IGFL2: variants seen among roughly 807,000 people sequenced by gnomAD.
The protein encoded by IGFL2 is IGF like family member 2.
Under a neutral mutation model 13.9 loss-of-function variants are expected in IGFL2, and 7 were observed. The observed-to-expected ratio is 0.51, with a 90% CI of 0.29 to 0.95. IGFL2 has a LOEUF of 0.95. Ranked by LOEUF, IGFL2 falls within the 40% of genes least tolerant of loss-of-function variation. The pLI is 0.08. For synonymous variants in IGFL2, 55 were observed against 55.8 expected (o/e 0.99, Z 0.07); for missense variants, 138 against 147.8 (o/e 0.93, Z 0.34).
chr19:46,155,381 G>T (rs542290577), intron 1 of IGFL2, among the ~76,000 whole-genome samples: 23 of 152,300 alleles, frequency 1.5e-4, no homozygotes, highest in Middle Eastern at 6.8e-3. Flanking sequence ...ACACAGAGTT[G>T]GCTGGGGATG....
the IGFL2 span, among the ~76,000 whole-genome samples, chr19:46,129,698 A>T: frequency 6.6e-6 from 1 of 151,942 alleles, no homozygotes; most frequent in East Asian, 1.9e-4. Context: ...CTTGATTTCT[A>T]ATTTGATTGT....
the IGFL2 span, among the ~76,000 whole-genome samples, chr19:46,170,875 G>A: frequency 1.3e-5 from 2 of 152,156 alleles, no homozygotes; most frequent in Non-Finnish European, 2.9e-5. Context: ...ATGACAATGT[G>A]TGCACGGCGG....
At chr19:46,094,173 C>G in the IGFL2 span, among the ~76,000 whole-genome samples, 1 of 150,776 alleles carries the variant, frequency 6.6e-6, no homozygotes, top group Non-Finnish European at 1.5e-5. Context: ...GGACCTGATT[C>G]TGAGGCTTTT....
At chr19:46,182,530 A>T in the IGFL2 span, among the ~76,000 whole-genome samples, 3 of 152,182 alleles carry the variant, frequency 2.0e-5, no homozygotes, top group Non-Finnish European at 4.4e-5. Flanking sequence ...GAAAAAACTT[A>T]TAATGTCACA....
At chr19:46,208,258 T>G in the IGFL2 span, 2 of 152,248 alleles carry the variant, frequency 1.3e-5, no homozygotes, top group Admixed American at 1.3e-4. Context: ...AGAAGGACAT[T>G]CAAACTGGTC....
chr19:46,147,964 C>T (rs1973228994), upstream of IGFL2: 3 of 336,556 alleles, frequency 8.9e-6, no homozygotes, highest in Admixed American at 9.6e-5. Context: ...TTTCAAGTCT[C>T]TTTGCCGTGG....
the IGFL2 span, chr19:46,208,734 C>G: frequency 5.9e-5 from 9 of 152,180 alleles, no homozygotes; most frequent in African/African-American, 2.2e-4. Flanking sequence ...GGCTCGCTCT[C>G]TTTCTCTCCT....
intron 1 of IGFL2, among the ~76,000 whole-genome samples, chr19:46,150,535 A>G (rs1973423247): frequency 6.6e-6 from 1 of 151,586 alleles, no homozygotes; most frequent in African/African-American, 2.4e-5. Context: ...GGGGTAAAAT[A>G]TGATGATTTA....
chr19:46,194,852 ATTTTTTTTTTTTTTT>A, the IGFL2 span, among the ~76,000 whole-genome samples: 7 of 31,596 alleles, frequency 2.2e-4, no homozygotes, highest in East Asian at 6.5e-3. Flanking sequence ...ATATATATAT[ATTTTTTTTTTTTTTT>A]TTTTTTTTTT....
At chr19:46,162,739 A>G (rs528548620), downstream of IGFL2, among the ~76,000 whole-genome samples, 3 of 152,184 alleles carry the variant, frequency 2.0e-5, no homozygotes, top group African/African-American at 2.4e-5. Context: ...GGGTTTTGCC[A>G]TCCTCCTGAA....
At chr19:46,119,819 G>A in the IGFL2 span, among the ~76,000 whole-genome samples, 52 of 150,842 alleles carry the variant, frequency 3.4e-4, 1 homozygote, top group African/African-American at 9.1e-4. Flanking sequence ...GCAGCTTGCC[G>A]GCAAGGGGAT....
At chr19:46,199,804 T>C in the IGFL2 span, among the ~76,000 whole-genome samples, 5 of 152,236 alleles carry the variant, frequency 3.3e-5, no homozygotes, top group African/African-American at 7.2e-5. Flanking sequence ...GGGAGATGTG[T>C]TGGGACATCT....
At chr19:46,111,729 A>G in the IGFL2 span, 1 of 152,240 alleles carries the variant, frequency 6.6e-6, no homozygotes, top group South Asian at 2.1e-4. Flanking sequence ...TTATGGGCAT[A>G]GATACCAATC....
Position 46,160,439 on chromosome 19 carries a change from T to A in IGFL2, c.44T>A (p.Leu15His). 6.2e-7 allele frequency: 1 copy of A among 1,613,764 alleles called. No homozygotes were observed. The highest frequency in any genetic ancestry group is 8.5e-7 in the Non-Finnish European group (1 of 1,179,770). ...GCTCCTGCTTATGTGTCAGTCTGTCTCCTCCTCTTGTGTCCAAGGGAAGTC... is the reference window on the plus strand; with the variant it reads ...GCTCCTGCTTATGTGTCAGTCTGTCACCTCCTCTTGTGTCCAAGGGAAGTC... The part of the protein sequence containing the change: ...IFAPAYVSVC[L>H]LLLCPREVIA... The change falls in exon 2 of 4, where the codon CTC becomes CAC. Residue 15 changes from leucine to histidine, a missense_variant. Physicochemically the swap from Leu to His is moderately conservative, Grantham distance 99. Transcript: ENST00000377693.
chr19:46,132,724 G>A, the IGFL2 span, among the ~76,000 whole-genome samples: 128 of 151,542 alleles, frequency 8.4e-4, no homozygotes, highest in African/African-American at 3.0e-3. Flanking sequence ...AGAAAGGGAG[G>A]GAGAGGGAGA....
At chr19:46,121,503 C>T in the IGFL2 span, among the ~76,000 whole-genome samples, 10,055 of 150,138 alleles carry the variant, frequency 0.067, 1,163 homozygotes, top group African/African-American at 0.19. Context: ...TCTCAACAGC[C>T]CACTGAGAGG....
chr19:46,103,906 A>G, the IGFL2 span, among the ~76,000 whole-genome samples: 2,018 of 152,322 alleles, frequency 0.013, 31 homozygotes, highest in Middle Eastern at 0.027. Flanking sequence ...TCTGTCTGAC[A>G]GACAAAGCTT....
At chr19:46,177,549 CAAAGAATGAG>C in the IGFL2 span, among the ~76,000 whole-genome samples, 1 of 152,024 alleles carries the variant, frequency 6.6e-6, no homozygotes, top group Admixed American at 6.6e-5. Context: ...ATCAGGCCAT[CAAAGAATGAG>C]AAAGAATGAG....
At chr19:46,102,220 G>C in the IGFL2 span, among the ~76,000 whole-genome samples, 1 of 152,334 alleles carries the variant, frequency 6.6e-6, no homozygotes, top group East Asian at 1.9e-4. Context: ...TCTGTGTGAA[G>C]AGATCACCAA....
Sources: allele counts gnomAD v4.1 joint callset (sites outside exome capture counted in the v4.1 genomes callset), GRCh38; gene constraint gnomAD v4.1.1; transcripts MANE v1.5; gene names NCBI Gene and HGNC (gene_info 2026-07-23, HGNC 2026-07-21).